The following IQSEC1 variants were observed in gnomAD, a reference collection of about 807,000 sequenced individuals.
IQSEC1 encodes IQ motif and SEC7 domain-containing protein 1.
A neutral mutation model predicts 91.0 loss-of-function variants in IQSEC1; 31 were observed. The observed-to-expected ratio is 0.34, with a 90% CI of 0.26 to 0.46. IQSEC1 has a LOEUF of 0.46. Among genes scored for constraint, IQSEC1 ranks in the 20% least tolerant of loss-of-function variants. The probability of loss-of-function intolerance (pLI) is 1.00; values close to 1 mark genes in which losing one functional copy is unlikely to be tolerated. For missense variants in IQSEC1, 1,388 were observed against 1,575.6 expected (o/e 0.88, Z 2.02); for synonymous variants, 699 against 662.6 (o/e 1.05, Z -0.84).
intron 1 of IQSEC1, among the ~76,000 whole-genome samples, chr3:13,230,305 C>T (rs979986567): frequency 4.2e-4 from 35 of 84,196 alleles, no homozygotes; most frequent in Non-Finnish European, 8.0e-4. Context: ...CCTATGATTT[C>T]CCCTCAAACG....
chr3:12,923,930 C>T (rs1407287425), intron 4 of IQSEC1, among the ~76,000 whole-genome samples: 1 of 152,250 alleles, frequency 6.6e-6, no homozygotes, highest in Non-Finnish European at 1.5e-5. Flanking sequence ...TTTCTGCAGG[C>T]TTTCAAGTAG....
At chr3:12,944,771 T>C (rs1699067049) in intron 1 of IQSEC1, among the ~76,000 whole-genome samples, 1 of 152,176 alleles carries the variant, frequency 6.6e-6, no homozygotes, top group African/African-American at 2.4e-5. Flanking sequence ...GACAAGCAGT[T>C]TCCCTGCAGG....
intron 1 of IQSEC1, among the ~76,000 whole-genome samples, chr3:12,942,715 T>C (rs760676210): frequency 6.6e-6 from 1 of 152,212 alleles, no homozygotes; most frequent in South Asian, 2.1e-4. Context: ...ACCCTCCACA[T>C]TTGTGTGTTG....
At chr3:12,965,355 G>T (rs551789990) in intron 1 of IQSEC1, among the ~76,000 whole-genome samples, 1 of 152,244 alleles carries the variant, frequency 6.6e-6, no homozygotes, top group East Asian at 1.9e-4. Context: ...GGTTTAGAGA[G>T]GGGGAGACGG....
At chr3:13,177,369 G>A (rs6777582) in intron 1 of IQSEC1, among the ~76,000 whole-genome samples, 4,966 of 152,300 alleles carry the variant, frequency 0.033, 261 homozygotes, top group African/African-American at 0.11. Flanking sequence ...TGGGTAGAGA[G>A]AAAAGCAATG....
chr3:13,051,688 T>C (rs360894), intron 1 of IQSEC1, among the ~76,000 whole-genome samples: 87,774 of 152,086 alleles, frequency 0.58, 26,389 homozygotes, highest in East Asian at 0.85. Context: ...CAACAGAAGC[T>C]CAGGCCTCAG....
Position 12,900,559 on chromosome 3 carries a change from GAGCAATAATGC to G in IQSEC1, c.*413_*423del, listed in dbSNP as rs1460543589. The G allele has an allele frequency of 1.0e-6, 1 of 995,116 alleles. No homozygotes were observed. Among genetic ancestry groups the G allele is most frequent in the African/African-American group, 1.7e-5 (1 of 57,382 alleles). 61.6% of individuals were successfully genotyped at this position (995,116 alleles called of 1,614,324 possible). A position where few individuals can be genotyped will look rare whatever the true frequency, so the allele number is the denominator to read the frequency against. Reference sequence around the variant, plus strand: ...ATTTTTTTGCCCATTGTCAATAAAAGAGCAATAATGCAGCAAGTTTTGGGGTTTGTTTTGTC... The same window carrying G: ...ATTTTTTTGCCCATTGTCAATAAAAGAGCAAGTTTTGGGGTTTGTTTTGTC... On this transcript the variant is annotated 3_prime_UTR_variant, in exon 14 of 14. Coordinates refer to ENST00000613206, the MANE Select transcript of IQSEC1 (RefSeq NM_001134382.3).
At chr3:13,280,526 C>T (rs146847694) in intron 1 of IQSEC1, among the ~76,000 whole-genome samples, 2 of 152,312 alleles carry the variant, frequency 1.3e-5, no homozygotes, top group East Asian at 1.9e-4. Context: ...TCCCAAAAGA[C>T]TAGGGAGTGA....
chr3:13,101,699 T>C (rs1359944773), intron 2 of IQSEC1, among the ~76,000 whole-genome samples: 2 of 152,100 alleles, frequency 1.3e-5, no homozygotes, highest in East Asian at 3.8e-4. Flanking sequence ...TCCAGTATGA[T>C]GTCTGTGGGG....
chr3:13,172,179 T>C (rs1457170773), intron 1 of IQSEC1, among the ~76,000 whole-genome samples: 1 of 152,126 alleles, frequency 6.6e-6, no homozygotes, highest in Non-Finnish European at 1.5e-5. Flanking sequence ...ACTTTCTTCT[T>C]CCCTCCTTCC....
intron 1 of IQSEC1, among the ~76,000 whole-genome samples, chr3:13,044,955 A>C (rs940171189): frequency 1.1e-4 from 17 of 152,374 alleles, no homozygotes; most frequent in Middle Eastern, 3.4e-3. Context: ...ACCTGGCACC[A>C]ATGCTCTTCT....
intron 1 of IQSEC1, among the ~76,000 whole-genome samples, chr3:13,197,753 C>G (rs952196483): frequency 6.6e-6 from 1 of 152,206 alleles, no homozygotes; most frequent in African/African-American, 2.4e-5. Context: ...AAGTGTGCCC[C>G]GTTCACAGGT....
intron 3 of IQSEC1, among the ~76,000 whole-genome samples, chr3:12,931,588 A>G (rs1697681818): frequency 6.6e-6 from 1 of 152,212 alleles, no homozygotes; most frequent in African/African-American, 2.4e-5. Flanking sequence ...AAACACAAGG[A>G]GCACAGAGCT....
At chr3:13,236,497 C>T (rs1694931396) in intron 1 of IQSEC1, among the ~76,000 whole-genome samples, 1 of 152,194 alleles carries the variant, frequency 6.6e-6, no homozygotes, top group Admixed American at 6.5e-5. Context: ...AAGGGTGCTC[C>T]AAACTTGTCC....
At chr3:13,097,700 T>G (rs1705988454) in intron 2 of IQSEC1, among the ~76,000 whole-genome samples, 1 of 152,210 alleles carries the variant, frequency 6.6e-6, no homozygotes, top group Admixed American at 6.5e-5. Flanking sequence ...GCTTACAAAA[T>G]TGGTGATTGA....
intron 2 of IQSEC1, among the ~76,000 whole-genome samples, chr3:13,162,838 C>T (rs909339866): frequency 6.6e-6 from 1 of 152,120 alleles, no homozygotes; most frequent in East Asian, 1.9e-4. Context: ...CTGCAAGGGG[C>T]CTGCTGCCCC....
In IQSEC1 at chr3:12,936,543, A is replaced by C; in HGVS notation, c.473T>G (p.Leu158Arg). The C allele has an allele frequency of 1.2e-6, 2 of 1,613,498 alleles. No homozygotes were observed. The highest frequency in any genetic ancestry group is 1.7e-6 in the Non-Finnish European group (2 of 1,180,034). Residue 158 changes from leucine to arginine, a missense_variant, in exon 3 of 14, where the codon CTG becomes CGG. Physicochemically the swap from Leu to Arg is moderately radical, Grantham distance 102 (BLOSUM62 -2). Transcript: ENST00000613206. ...SENRMSRRIV[L>R]SNMRMQFSFE... ...GGAGAACTGCATCCTCATGTTGGAC[A>C]GCACAATCCGGCGTGACATGCGGTT...
chr3:13,115,038 G>C (rs557994651), intron 2 of IQSEC1, among the ~76,000 whole-genome samples: 2 of 152,272 alleles, frequency 1.3e-5, no homozygotes, highest in African/African-American at 2.4e-5. Context: ...TGCCGGGCAG[G>C]GGGGCTGTGG....
intron 1 of IQSEC1, among the ~76,000 whole-genome samples, chr3:12,987,804 T>C (rs1267096170): frequency 6.6e-6 from 1 of 152,168 alleles, no homozygotes; most frequent in Non-Finnish European, 1.5e-5. Flanking sequence ...CCACCAATGA[T>C]GAAATCCAAA....
Sources: allele counts gnomAD v4.1 joint callset (sites outside exome capture counted in the v4.1 genomes callset), GRCh38; gene constraint gnomAD v4.1.1; transcripts MANE v1.5; gene names NCBI Gene and HGNC (gene_info 2026-07-23, HGNC 2026-07-21).